PARD3B: variants seen among roughly 807,000 people sequenced by gnomAD.
The protein encoded by PARD3B is partitioning defective 3 homolog B.
In PARD3B, 103 loss-of-function variants were observed where a neutral mutation model predicts 130.2. The observed-to-expected ratio is 0.79, with a 90% CI of 0.67 to 0.93. PARD3B has a LOEUF of 0.93. Ranked by LOEUF, PARD3B falls within the 40% of genes least tolerant of loss-of-function variation. The pLI is 0.00. For synonymous variants in PARD3B, 583 were observed against 553.2 expected (o/e 1.05, Z -0.76); for missense variants, 1,609 against 1,499.2 (o/e 1.07, Z -1.21).
In PARD3B at chr2:205,351,624, A is replaced by G. The variant is rs1413717377; in HGVS notation, c.2631-49389A>G. On this transcript the variant is annotated intron_variant, in intron 18 of 22. Transcript: ENST00000406610. The surrounding 1 kb of genome is among the most constrained non-coding windows in gnomAD (Gnocchi z 4.2). ...GCAGGGAGCAGCTGGGCACCAGGAGATCCAACACAGGAGCCACTGCCTTGG... is the reference window on the plus strand; with the variant it reads ...GCAGGGAGCAGCTGGGCACCAGGAGGTCCAACACAGGAGCCACTGCCTTGG... Among the ~76,000 whole-genome samples the G allele has an allele frequency of 6.6e-6, 1 of 152,108 alleles. No homozygotes were observed. The highest frequency in any genetic ancestry group is 2.4e-5 in the African/African-American group (1 of 41,392).
intron 1 of PARD3B, among the ~76,000 whole-genome samples, chr2:204,608,732 C>T (rs1200075739): frequency 6.6e-6 from 1 of 152,172 alleles, no homozygotes; most frequent in Non-Finnish European, 1.5e-5. Context: ...TGTTACTCCC[C>T]CTCCTCCCTG....
intron 2 of PARD3B, among the ~76,000 whole-genome samples, chr2:204,746,795 G>C (rs1175506670): frequency 2.6e-5 from 4 of 152,158 alleles, no homozygotes; most frequent in African/African-American, 9.7e-5. Flanking sequence ...AGAAGTGTCT[G>C]TTCATATCCT....
chr2:204,906,336 T>C lies in PARD3B; in HGVS notation c.223-58816T>C, dbSNP rs563472124. On this transcript the variant is annotated intron_variant, in intron 2 of 22. Transcript: ENST00000406610. The surrounding 1 kb of genome is among the most constrained non-coding windows in gnomAD (Gnocchi z 4.3). ...TTGAAATACCATAATAACTCTGTCA[T>C]CACATAAACAGTGAAAATTGTAGTT... Among the ~76,000 whole-genome samples the C allele has an allele frequency of 5.4e-4, 82 of 152,304 alleles. No individual in the cohort carries two copies. The highest frequency in any genetic ancestry group is 1.8e-3 in the African/African-American group (74 of 41,562).
chr2:204,788,876 A>G (rs1208750246), intron 2 of PARD3B, among the ~76,000 whole-genome samples: 1 of 152,220 alleles, frequency 6.6e-6, no homozygotes, highest in Non-Finnish European at 1.5e-5. Flanking sequence ...ATACAACATT[A>G]TGTATATTAT....
At chr2:205,504,085 G>A (rs577658951) in intron 21 of PARD3B, among the ~76,000 whole-genome samples, 1 of 152,208 alleles carries the variant, frequency 6.6e-6, no homozygotes, top group South Asian at 2.1e-4. Flanking sequence ...CTGAAACGAT[G>A]CCACATATCT....
rs151127739 is a variant in PARD3B, at chr2:205,609,886, T to A, written c.3261-5570T>A. The stretch of plus-strand genomic sequence containing the variant: ...CCTAAAAGGAGCTCATCAGATGAGA[T>A]ACTGTAGGAGTTCTTACACTCTGCC... On this transcript the variant is annotated intron_variant, in intron 22 of 22. Coordinates refer to ENST00000406610, the MANE Select transcript of PARD3B (RefSeq NM_001302769.2). Among the ~76,000 whole-genome samples, 528 of 152,352 alleles carry A rather than the reference T, an allele frequency of 3.5e-3. 3 individuals carry two copies. Among genetic ancestry groups the A allele is most frequent in the African/African-American group, 0.012 (505 of 41,578 alleles).
intron 2 of PARD3B, among the ~76,000 whole-genome samples, chr2:204,821,956 T>C (rs2043377807): frequency 6.6e-6 from 1 of 152,196 alleles, no homozygotes; most frequent in Admixed American, 6.5e-5. Flanking sequence ...CTGCAGTCCA[T>C]GGATCAGCAG....
At chr2:204,823,865 A>T (rs1208277206) in intron 2 of PARD3B, among the ~76,000 whole-genome samples, 1 of 150,838 alleles carries the variant, frequency 6.6e-6, no homozygotes, top group Non-Finnish European at 1.5e-5. Context: ...GCTTGAGTCC[A>T]GGAGGCAGAG....
intron 3 of PARD3B, among the ~76,000 whole-genome samples, chr2:204,998,437 T>G (rs1421266898): frequency 1.8e-5 from 1 of 56,266 alleles, no homozygotes; most frequent in Non-Finnish European, 3.7e-5. Flanking sequence ...TATATATATG[T>G]GTGTGTATAT....
Position 204,693,475 on chromosome 2 carries a change from A to G in PARD3B, c.222+7193A>G, listed in dbSNP as rs149003913. On this transcript the variant is annotated intron_variant, in intron 2 of 22. Coordinates refer to ENST00000406610, the MANE Select transcript of PARD3B (RefSeq NM_001302769.2). Reference sequence around the variant, plus strand: ...TCTTTGTGCCTTAGTTTCATCATGGATAAGTGGAACTAAAAATAGTACTAA... The same window carrying G: ...TCTTTGTGCCTTAGTTTCATCATGGGTAAGTGGAACTAAAAATAGTACTAA... Among the ~76,000 whole-genome samples, 189 of 152,126 alleles carry G rather than the reference A, an allele frequency of 1.2e-3. 1 individual carries two copies. Among genetic ancestry groups the G allele is most frequent in the African/African-American group, 4.4e-3 (184 of 41,532 alleles).
At position 205,564,747 on chromosome 2, in the gene PARD3B, G is replaced by T. The variant is rs756212147; in HGVS notation, c.3260+11344G>T. On this transcript the variant is annotated intron_variant, in intron 22 of 22. Coordinates refer to ENST00000406610, the MANE Select transcript of PARD3B (RefSeq NM_001302769.2). This position sits in a 1 kb window ranked among gnomAD's most constrained non-coding sequence, Gnocchi z 4.6. ...CATGTGACACAGGCCCCACGACCTCGATCATTCTGCCAAGAAACACCTTGG... is the reference window on the plus strand; with the variant it reads ...CATGTGACACAGGCCCCACGACCTCTATCATTCTGCCAAGAAACACCTTGG... Among the ~76,000 whole-genome samples, 1 of 152,186 alleles carries T rather than the reference G, an allele frequency of 6.6e-6. No homozygotes were observed. The highest frequency in any genetic ancestry group is 6.5e-5 in the Admixed American group (1 of 15,280).
At chr2:205,232,139 C>T (rs2038867242) in intron 15 of PARD3B, among the ~76,000 whole-genome samples, 1 of 152,160 alleles carries the variant, frequency 6.6e-6, no homozygotes, top group African/African-American at 2.4e-5. Context: ...TAACTATATT[C>T]CAATGACATT....
chr2:204,693,433 G>C (rs1452044841), intron 2 of PARD3B, among the ~76,000 whole-genome samples: 1 of 151,924 alleles, frequency 6.6e-6, no homozygotes, highest in Non-Finnish European at 1.5e-5. Flanking sequence ...GTCTAGTTTT[G>C]TCCAAGTTGC....
intron 20 of PARD3B, among the ~76,000 whole-genome samples, chr2:205,484,159 A>C (rs1052789947): frequency 6.6e-6 from 1 of 152,214 alleles, no homozygotes; most frequent in Non-Finnish European, 1.5e-5. Context: ...TGGATATGTC[A>C]GTACTCATTA....
At chr2:205,290,578 A>G (rs1019263299) in intron 16 of PARD3B, among the ~76,000 whole-genome samples, 16 of 152,278 alleles carry the variant, frequency 1.1e-4, no homozygotes, top group African/African-American at 3.1e-4. Context: ...ATCACAAAAT[A>G]CCTTTGGAAA....
At chr2:205,515,270 G>A (rs531299716) in intron 21 of PARD3B, among the ~76,000 whole-genome samples, 92 of 152,232 alleles carry the variant, frequency 6.0e-4, no homozygotes, top group African/African-American at 2.2e-3. Flanking sequence ...TTGATTCCAT[G>A]TCTTTACTAT....
intron 4 of PARD3B, among the ~76,000 whole-genome samples, chr2:205,070,632 T>A (rs1700666387): frequency 6.6e-6 from 1 of 152,198 alleles, no homozygotes; most frequent in Non-Finnish European, 1.5e-5. Context: ...ATACTTCTTA[T>A]GTATAAGATC....
rs750239561 is a variant in PARD3B, at chr2:205,301,582, G to A, written c.2511G>A (p.Thr837=). The A allele has an allele frequency of 2.2e-5, 35 of 1,613,804 alleles. No individual in the cohort carries two copies. The highest frequency in any genetic ancestry group is 2.5e-5 in the Non-Finnish European group (29 of 1,179,992). The part of the protein sequence containing the change: ...MENKARKVKK[T]KEKEKKKEKG... ...ATAAAGCCAGGAAAGTCAAAAAAACGAAAGAGAAGGAGAAGAAAAAGGAAA... is the reference window on the plus strand; with the variant it reads ...ATAAAGCCAGGAAAGTCAAAAAAACAAAAGAGAAGGAGAAGAAAAAGGAAA... The change falls in exon 18 of 23, where the codon ACG becomes ACA. Residue 837 remains threonine (T), a synonymous_variant. Transcript: ENST00000406610. This position sits in a 1 kb window ranked among gnomAD's most constrained non-coding sequence, Gnocchi z 5.2.
At chr2:205,362,400 G>A (rs2044422683) in intron 18 of PARD3B, among the ~76,000 whole-genome samples, 1 of 152,140 alleles carries the variant, frequency 6.6e-6, no homozygotes, top group Non-Finnish European at 1.5e-5. Flanking sequence ...ATAACATTAT[G>A]TGTCTCATCT....
Sources: gnomAD v4.1 joint callset for allele counts (sites outside exome capture counted in the v4.1 genomes callset) on GRCh38, gnomAD v4.1.1 for gene constraint, Gnocchi (gnomAD v3.1) non-coding constraint, MANE v1.5 for transcripts, NCBI Gene and HGNC (gene_info 2026-07-23, HGNC 2026-07-21) for gene names.